Variants in CACNG5 observed in about 807,000 individuals in gnomAD.
CACNG5 encodes calcium voltage-gated channel auxiliary subunit gamma 5.
CACNG5 carries 18 observed loss-of-function variants against 24.8 expected under a neutral mutation model. The ratio of observed to expected loss-of-function variants is 0.73; its 90% CI spans 0.50 to 1.08. CACNG5 has a LOEUF of 1.08. CACNG5 is among the 50% of genes least tolerant of loss of function. The probability of loss-of-function intolerance (pLI) is 0.00; values close to 1 mark genes in which losing one functional copy is unlikely to be tolerated. For synonymous variants in CACNG5, 157 were observed against 149.1 expected (o/e 1.05, Z -0.39); for missense variants, 349 against 367.9 (o/e 0.95, Z 0.42).
chr17:66,862,443 G>A (rs1279818703), intron 1 of CACNG5, among the ~76,000 whole-genome samples: 1 of 151,844 alleles, frequency 6.6e-6, no homozygotes, highest in African/African-American at 2.4e-5. Context: ...CTGTATATGT[G>A]TGTGTGTGTG....
chr17:66,885,144 C>A lies in CACNG5; in HGVS notation c.732C>A (p.Ser244=). The change falls in exon 6 of 6, where the codon TCC becomes TCA. Residue 244 remains serine (S), a synonymous_variant. Transcript: ENST00000533854. ...CCTGGGTCAGGGGCCGCAGCCCCTC[C>A]GACATCTCCAGCGAGGCCTCCCTGC... is the stretch of plus-strand genomic sequence containing the variant. ...PDAWVRGRSP[S]DISSEASLQM... 6.2e-7 allele frequency: 1 copy of A among 1,613,892 alleles called. No individual in the cohort carries two copies. Among genetic ancestry groups the A allele is most frequent in the Non-Finnish European group, 8.5e-7 (1 of 1,179,992 alleles).
At chr17:66,861,798 C>T (rs1272473792) in intron 1 of CACNG5, among the ~76,000 whole-genome samples, 4 of 152,142 alleles carry the variant, frequency 2.6e-5, no homozygotes, top group African/African-American at 9.7e-5. Context: ...GGTGGTGGCC[C>T]GAGCAGGCTC....
intron 1 of CACNG5, among the ~76,000 whole-genome samples, chr17:66,840,191 C>T (rs1976547085): frequency 6.6e-6 from 1 of 152,198 alleles, no homozygotes; most frequent in Non-Finnish European, 1.5e-5. Flanking sequence ...AGAGAGAAGC[C>T]AGAGGGCAGG....
At chr17:66,861,728 T>G (rs1976861977) in intron 1 of CACNG5, among the ~76,000 whole-genome samples, 1 of 152,230 alleles carries the variant, frequency 6.6e-6, no homozygotes. Context: ...TCGCTGGCTG[T>G]TATTGCACCC....
intron 1 of CACNG5, among the ~76,000 whole-genome samples, chr17:66,849,760 G>A (rs913412769): frequency 6.6e-6 from 1 of 152,166 alleles, no homozygotes; most frequent in African/African-American, 2.4e-5. Flanking sequence ...CAACCCCATA[G>A]GAAAGCATTG....
At chr17:66,873,258 G>A (rs1425558043) in intron 1 of CACNG5, among the ~76,000 whole-genome samples, 1 of 152,140 alleles carries the variant, frequency 6.6e-6, no homozygotes, top group Non-Finnish European at 1.5e-5. Flanking sequence ...CATAATAGAA[G>A]CATAGATATA....
At chr17:66,854,130 G>A (rs1217137529) in intron 1 of CACNG5, among the ~76,000 whole-genome samples, 1 of 152,060 alleles carries the variant, frequency 6.6e-6, no homozygotes, top group African/African-American at 2.4e-5. Context: ...TGAAAAGTTA[G>A]CATTAAAAAA....
chr17:66,869,234 C>T (rs1224100563), intron 1 of CACNG5, among the ~76,000 whole-genome samples: 1 of 152,062 alleles, frequency 6.6e-6, no homozygotes, highest in South Asian at 2.1e-4. Flanking sequence ...CAGGTGTGTG[C>T]CATCACGCCA....
intron 4 of CACNG5, 141 bp downstream of exon 4, chr17:66,880,838 T>C (rs2363132): frequency 0.071 from 59,007 of 833,672 alleles, 2,383 homozygotes; most frequent in East Asian, 0.14. Context: ...ACCTCCCGGA[T>C]TCAAGCAATT....
chr17:66,867,312 G>A (rs1976943046), intron 1 of CACNG5, among the ~76,000 whole-genome samples: 1 of 151,918 alleles, frequency 6.6e-6, no homozygotes, highest in Non-Finnish European at 1.5e-5. Context: ...CCTTTTTATG[G>A]GGTTGTTTGT....
chr17:66,849,472 ACTCAGGGTG>A (rs1411668964), intron 1 of CACNG5, among the ~76,000 whole-genome samples: 3 of 152,086 alleles, frequency 2.0e-5, no homozygotes, highest in African/African-American at 7.2e-5. Context: ...GGAGCCCCTC[ACTCAGGGTG>A]CCCAACCCTG....
chr17:66,857,057 ATTT>A (rs1976788703), intron 1 of CACNG5, among the ~76,000 whole-genome samples: 1 of 147,996 alleles, frequency 6.8e-6, no homozygotes, highest in Non-Finnish European at 1.5e-5. Context: ...TTTTATTTCA[ATTT>A]TTAAGTTTTT....
chr17:66,840,559 C>T (rs369980984), intron 1 of CACNG5, among the ~76,000 whole-genome samples: 2 of 152,152 alleles, frequency 1.3e-5, no homozygotes, highest in Admixed American at 6.5e-5. Flanking sequence ...CAGAGAGCCT[C>T]AATGAACCCA....
chr17:66,874,971 T>C (rs1977055462), intron 1 of CACNG5, among the ~76,000 whole-genome samples: 1 of 152,176 alleles, frequency 6.6e-6, no homozygotes, highest in African/African-American at 2.4e-5. Context: ...ATAAAAATAC[T>C]ATCAGTACAA....
intron 1 of CACNG5, among the ~76,000 whole-genome samples, chr17:66,850,004 G>A (rs560766607): frequency 6.4e-4 from 98 of 152,314 alleles, no homozygotes; most frequent in Non-Finnish European, 7.3e-4. Context: ...TCAGGAGGTG[G>A]GTCCCGGTAC....
At position 66,885,052 on chromosome 17, in the gene CACNG5, C is replaced by A; in HGVS notation, c.640C>A (p.Pro214Thr). The change falls in exon 6 of 6, where the codon CCT becomes ACT. Residue 214 changes from proline (P) to threonine (T), a missense_variant. Coordinates refer to ENST00000533854, the MANE Select transcript of CACNG5 (RefSeq NM_145811.3). ...YTAEDMYRPH[P>T]GFYRPRLSNC... is the part of the protein sequence containing the mutation. ...CGCGGAGGACATGTACAGGCCCCACCCTGGCTTCTACCGCCCTCGGCTGAG... is the reference window on the plus strand; with the variant it reads ...CGCGGAGGACATGTACAGGCCCCACACTGGCTTCTACCGCCCTCGGCTGAG... 1.2e-6 allele frequency: 2 copies of A among 1,614,204 alleles called. No individual in the cohort carries two copies. Among genetic ancestry groups the A allele is most frequent in the Non-Finnish European group, 1.7e-6 (2 of 1,180,024 alleles).
intron 1 of CACNG5, among the ~76,000 whole-genome samples, chr17:66,856,130 T>C (rs1976772444): frequency 6.6e-6 from 1 of 152,198 alleles, no homozygotes; most frequent in African/African-American, 2.4e-5. Flanking sequence ...TCAACAACAG[T>C]GAATCAACAT....
At chr17:66,858,556 G>T (rs1035836128) in intron 1 of CACNG5, among the ~76,000 whole-genome samples, 5 of 152,196 alleles carry the variant, frequency 3.3e-5, no homozygotes, top group Non-Finnish European at 4.4e-5. Context: ...CAAGCAGGAG[G>T]GGTGGCATGA....
chr17:66,869,358 A>G (rs1417163508), intron 1 of CACNG5, among the ~76,000 whole-genome samples: 1 of 152,190 alleles, frequency 6.6e-6, no homozygotes, highest in Non-Finnish European at 1.5e-5. Context: ...TTCTGGGATT[A>G]CAGGTGTGAG....
Sources: allele counts gnomAD v4.1 joint callset (sites outside exome capture counted in the v4.1 genomes callset), GRCh38; gene constraint gnomAD v4.1.1; transcripts MANE v1.5; gene names NCBI Gene and HGNC (gene_info 2026-07-23, HGNC 2026-07-21).